PPP2R2B: variants seen among roughly 807,000 people sequenced by gnomAD.
The protein encoded by PPP2R2B is serine/threonine-protein phosphatase 2A 55 kDa regulatory subunit B beta isoform.
In PPP2R2B, 5 loss-of-function variants were observed where a neutral mutation model predicts 46.0. The ratio of observed to expected loss-of-function variants is 0.11; its 90% CI spans 0.06 to 0.23. The LOEUF (loss-of-function observed/expected upper bound fraction) is 0.23, where lower values mean the gene tolerates loss of function less well. Ranked by LOEUF, PPP2R2B falls within the 10% of genes least tolerant of loss-of-function variation. PPP2R2B has a pLI of 1.00. For synonymous variants in PPP2R2B, 215 were observed against 206.7 expected, an observed-to-expected ratio of 1.04 and a Z score of -0.34; for missense variants, 367 against 575.0, an observed-to-expected ratio of 0.64 and a Z score of 3.70.
At position 146,698,335 on chromosome 5, in the gene PPP2R2B, TATATATATATATATATAC is replaced by T. The variant is rs1164897096; in HGVS notation, c.169-209_169-192del. ...AAAAAAAAATATATATATATATATA[TATATATATATATATATAC>T]ACACACATATAATTATACACATGAA... On this transcript the variant is annotated intron_variant, in intron 3 of 9. Coordinates refer to ENST00000394411, the MANE Select transcript of PPP2R2B (RefSeq NM_181675.4). Among the ~76,000 whole-genome samples, 94 of 127,818 alleles carry T rather than the reference TATATATATATATATATAC, an allele frequency of 7.4e-4. 1 individual carries two copies. Among genetic ancestry groups the T allele is most frequent in the African/African-American group, 2.7e-3 (88 of 32,296 alleles). 83.9% of individuals were successfully genotyped at this position (127,818 alleles called of 152,430 possible). A position where few individuals can be genotyped will look rare whatever the true frequency, so the allele number is the denominator to read the frequency against.
intron 1 of PPP2R2B, among the ~76,000 whole-genome samples, chr5:146,909,095 C>A (rs1166762369): frequency 6.6e-6 from 1 of 152,198 alleles, no homozygotes; most frequent in Non-Finnish European, 1.5e-5. Flanking sequence ...TAAGAGAGGG[C>A]AGTGGGAGGT....
intron 2 of PPP2R2B, among the ~76,000 whole-genome samples, chr5:146,862,887 A>G (rs1761093354): frequency 6.7e-6 from 1 of 149,856 alleles, no homozygotes; most frequent in South Asian, 2.1e-4. Context: ...ACCCTGGCTT[A>G]CATAATGGGC....
At chr5:146,632,815 C>T (rs935304040) in intron 7 of PPP2R2B, among the ~76,000 whole-genome samples, 2 of 152,054 alleles carry the variant, frequency 1.3e-5, no homozygotes, top group African/African-American at 4.8e-5. Context: ...AAAGCATGTG[C>T]AAAGGCCCTG....
intron 1 of PPP2R2B, among the ~76,000 whole-genome samples, chr5:146,892,182 T>C (rs1004655656): frequency 1.3e-5 from 2 of 152,108 alleles, no homozygotes; most frequent in Admixed American, 6.5e-5. Flanking sequence ...GGGAACACAA[T>C]AGAATAAAAA....
chr5:147,051,753 C>CTTTTTTTTTTTTT (rs60522229), intron 1 of PPP2R2B, among the ~76,000 whole-genome samples: 1 of 92,366 alleles, frequency 1.1e-5, no homozygotes, highest in South Asian at 3.8e-4. Context: ...GTTTTGCTTC[C>CTTTTTTTTTTTTT]TTTTTTTTTT....
rs576050369 is a variant in PPP2R2B, at chr5:146,844,459, C to T, written c.70+33543G>A. Among the ~76,000 whole-genome samples, 152 of 152,226 alleles carry T rather than the reference C, an allele frequency of 1.0e-3. 1 individual carries two copies. Among genetic ancestry groups the T allele is most frequent in the African/African-American group, 3.4e-3 (143 of 41,540 alleles). ...GCTTCCTTGGATTCTTGCTCTTTCT[C>T]CACCTACACAAACTGTTGGCAGGAC... On this transcript the variant is annotated intron_variant, in intron 2 of 9. Transcript: ENST00000394411.
chr5:146,897,503 T>C (rs142702018), intron 1 of PPP2R2B, among the ~76,000 whole-genome samples: 286 of 152,338 alleles, frequency 1.9e-3, no homozygotes, highest in Non-Finnish European at 3.3e-3. Flanking sequence ...GCCTACTCAC[T>C]GTATAATGAA....
chr5:146,584,232 A>G lies in PPP2R2B; in HGVS notation c.*5715T>C, dbSNP rs1484493906. Reference sequence around the variant, plus strand: ...GGATCAGCGGAGATGGCAGATCATGATGGTTCTGCCACCAGCAGTTTAACC... The same window carrying G: ...GGATCAGCGGAGATGGCAGATCATGGTGGTTCTGCCACCAGCAGTTTAACC... On this transcript the variant is annotated 3_prime_UTR_variant, in exon 10 of 10. Transcript: ENST00000394411. 2 of 152,282 alleles carry G rather than the reference A, an allele frequency of 1.3e-5. No individual in the cohort carries two copies. The highest frequency in any genetic ancestry group is 4.8e-5 in the African/African-American group (2 of 41,446). 9.4% of individuals were successfully genotyped at this position (152,282 alleles called of 1,614,324 possible).
At chr5:146,888,096 G>A (rs958225116) in intron 1 of PPP2R2B, among the ~76,000 whole-genome samples, 8 of 151,896 alleles carry the variant, frequency 5.3e-5, no homozygotes, top group African/African-American at 1.9e-4. Flanking sequence ...GGCTCACTTG[G>A]TAGCTCCTCA....
At chr5:146,752,711 A>G (rs1179647206) in intron 2 of PPP2R2B, among the ~76,000 whole-genome samples, 1 of 152,202 alleles carries the variant, frequency 6.6e-6, no homozygotes, top group Non-Finnish European at 1.5e-5. Context: ...TGGATTAAAT[A>G]GTATTGATTA....
chr5:146,784,221 C>G (rs1029170997), intron 2 of PPP2R2B, among the ~76,000 whole-genome samples: 5 of 152,056 alleles, frequency 3.3e-5, no homozygotes, highest in African/African-American at 1.2e-4. Flanking sequence ...GAAGTTTTCT[C>G]AATAAACAGC....
chr5:146,623,859 T>G (rs867216139), intron 7 of PPP2R2B, among the ~76,000 whole-genome samples: 3 of 152,166 alleles, frequency 2.0e-5, no homozygotes, highest in Non-Finnish European at 4.4e-5. Context: ...GGCTGGAAGC[T>G]GCTTGAGTGG....
At chr5:146,651,511 C>A (rs761386218) in intron 5 of PPP2R2B, among the ~76,000 whole-genome samples, 22 of 152,300 alleles carry the variant, frequency 1.4e-4, no homozygotes, top group African/African-American at 2.6e-4. Flanking sequence ...GTTTCCCACA[C>A]ATGACCGTCT....
chr5:146,908,765 C>T (rs1270194083), intron 1 of PPP2R2B, among the ~76,000 whole-genome samples: 3 of 151,892 alleles, frequency 2.0e-5, no homozygotes, highest in Non-Finnish European at 4.4e-5. Flanking sequence ...TGCCTTCTTT[C>T]TTCCTTTCCC....
intron 2 of PPP2R2B, among the ~76,000 whole-genome samples, chr5:146,798,198 G>T (rs533248966): frequency 1.3e-5 from 2 of 152,030 alleles, no homozygotes; most frequent in South Asian, 4.2e-4. Context: ...CCCTTTCCTT[G>T]TCTACTTTAT....
At chr5:146,882,270 A>AG (rs1462081089), upstream of PPP2R2B, among the ~76,000 whole-genome samples, 1 of 148,154 alleles carries the variant, frequency 6.7e-6, no homozygotes, top group African/African-American at 2.5e-5. Context: ...CTTCTCAAGA[A>AG]AAAAAAAAAA....
chr5:146,887,241 A>T (rs1293124060), intron 1 of PPP2R2B, among the ~76,000 whole-genome samples: 1 of 152,068 alleles, frequency 6.6e-6, no homozygotes, highest in Admixed American at 6.5e-5. Context: ...ACACTAAAAG[A>T]CCTCTCAAAT....
In PPP2R2B at chr5:147,081,023, A is replaced by G; in HGVS notation, c.50+36T>C. ...ATTTTGAAATCAGCACAAACTCCCA[A>G]GGAGGCAAGGAAAAGGGCATGGGGA... is the stretch of plus-strand genomic sequence containing the variant. On this transcript the variant is annotated intron_variant, in intron 2 of 10. Coordinates refer to the PPP2R2B transcript ENST00000394413. 2.0e-6 allele frequency: 3 copies of G among 1,514,496 alleles called. No homozygotes were observed. The South Asian group carries it at 3.6e-5, about 18-fold the overall frequency. 93.8% of individuals were successfully genotyped at this position (1,514,496 alleles called of 1,614,324 possible).
intron 2 of PPP2R2B, among the ~76,000 whole-genome samples, chr5:146,849,838 C>T (rs1760232167): frequency 6.6e-6 from 1 of 152,094 alleles, no homozygotes; most frequent in Non-Finnish European, 1.5e-5. Context: ...AGAGCTTCTA[C>T]CCTGTATAAT....
Sources: allele counts gnomAD v4.1 joint callset (sites outside exome capture counted in the v4.1 genomes callset), GRCh38; gene constraint gnomAD v4.1.1; transcripts MANE v1.5; gene names NCBI Gene and HGNC (gene_info 2026-07-23, HGNC 2026-07-21).